SRL: variants seen among roughly 807,000 people sequenced by gnomAD.
The protein encoded by SRL is sarcalumenin.
Under a neutral mutation model 39.5 loss-of-function variants are expected in SRL, and 23 were observed. The ratio of observed to expected loss-of-function variants is 0.58; its 90% CI spans 0.42 to 0.82. SRL has a LOEUF of 0.82. Ranked by LOEUF, SRL falls within the 40% of genes least tolerant of loss-of-function variation. The probability of loss-of-function intolerance (pLI) is 0.00; values close to 1 mark genes in which losing one functional copy is unlikely to be tolerated. For missense variants in SRL, 592 were observed against 607.8 expected, an observed-to-expected ratio of 0.97 and a Z score of 0.27; for synonymous variants, 272 against 237.4, an observed-to-expected ratio of 1.15 and a Z score of -1.34.
At chr16:4,194,067 G>A (rs1013574273) in intron 5 of SRL, among the ~76,000 whole-genome samples, 3 of 152,026 alleles carry the variant, frequency 2.0e-5, no homozygotes, top group Admixed American at 6.6e-5. Flanking sequence ...GAGATCCACC[G>A]TCTGCTCACA....
intron 1 of SRL, among the ~76,000 whole-genome samples, chr16:4,220,473 G>A (rs995844997): frequency 5.3e-5 from 8 of 151,848 alleles, no homozygotes; most frequent in African/African-American, 1.9e-4. Context: ...CACATCTCAT[G>A]TCTTCCCTGG....
chr16:4,203,927 C>T (rs552108952), intron 2 of SRL, among the ~76,000 whole-genome samples: 1 of 152,222 alleles, frequency 6.6e-6, no homozygotes, highest in Non-Finnish European at 1.5e-5. Context: ...CCCAGACACT[C>T]CCCGGAGGGG....
intron 1 of SRL, among the ~76,000 whole-genome samples, chr16:4,239,283 G>A (rs1313572680): frequency 1.3e-5 from 2 of 152,204 alleles, no homozygotes; most frequent in African/African-American, 2.4e-5. Context: ...CTCACAGAGG[G>A]GCAGCCCCAG....
At chr16:4,193,100 T>TA in intron 5 of SRL, 136 bp from the exon 6 acceptor site, 1 of 725,538 alleles carries the variant, frequency 1.4e-6, no homozygotes, top group Non-Finnish European at 2.2e-6. Context: ...TACAGACTAT[T>TA]AAAAAATCAA....
chr16:4,242,044 G>C lies in SRL; in HGVS notation c.24C>G (p.Gly8=). 2.5e-6 allele frequency: 4 copies of C among 1,613,040 alleles called. No individual in the cohort carries two copies. Among genetic ancestry groups the C allele is most frequent in the Non-Finnish European group, 3.4e-6 (4 of 1,179,834 alleles). The change falls in exon 1 of 6, where the codon GGC becomes GGG. Residue 8 remains glycine (G), a synonymous_variant. Transcript: ENST00000399609. The part of the protein sequence containing the change: MRALVLL[G]CLLASLLFSG... ...AGAACAGGAGCGAGGCCAGGAGGCA[G>C]CCGAGCAGGACCAGCGCCCTCATGG...
At chr16:4,200,810 G>A (rs2052217635) in intron 3 of SRL, among the ~76,000 whole-genome samples, 1 of 152,148 alleles carries the variant, frequency 6.6e-6, no homozygotes, top group South Asian at 2.1e-4. Flanking sequence ...GCACGTCTCT[G>A]GGCCTCAGGC....
At chr16:4,205,250 G>A (rs1202960773) in intron 1 of SRL, among the ~76,000 whole-genome samples, 1 of 152,040 alleles carries the variant, frequency 6.6e-6, no homozygotes, top group Admixed American at 6.6e-5. Context: ...GGAGGTCAAG[G>A]CTGCAGTGAG....
chr16:4,195,609 C>A lies in SRL; in HGVS notation c.554G>T (p.Arg185Met). The A allele has an allele frequency of 6.2e-7, 1 of 1,614,230 alleles. No homozygotes were observed. The highest frequency in any genetic ancestry group is 2.2e-5 in the East Asian group (1 of 44,884). Reference protein sequence around the residue: ...GIEVPHKLLERVTFVDTPGII... With the variant: ...GIEVPHKLLEMVTFVDTPGII... ...GCCTGGTGTATCCACAAAAGTGACC[C>A]TCTCCAGAAGTTTGTGGGGAACCTC... Residue 185 changes from arginine to methionine, a missense_variant, in exon 5 of 6, where the codon AGG becomes ATG. Transcript: ENST00000399609.
chr16:4,197,991 G>T, intron 3 of SRL, 76 bp from the exon 4 acceptor site: 1 of 950,342 alleles, frequency 1.1e-6, no homozygotes, highest in Non-Finnish European at 1.7e-6. Flanking sequence ...GTACTCCAAA[G>T]CATCTCACCG....
chr16:4,198,933 C>T (rs184434627), intron 3 of SRL, among the ~76,000 whole-genome samples: 75 of 152,294 alleles, frequency 4.9e-4, no homozygotes, highest in African/African-American at 1.5e-3. Context: ...AGAATGCTCT[C>T]GTGCTTTCAA....
chr16:4,232,351 C>T (rs2052668336), intron 1 of SRL, among the ~76,000 whole-genome samples: 2 of 152,190 alleles, frequency 1.3e-5, no homozygotes, highest in African/African-American at 4.8e-5. Flanking sequence ...TCATCTACTA[C>T]TTGACACTAA....
At chr16:4,200,041 T>C (rs2052206230) in intron 3 of SRL, among the ~76,000 whole-genome samples, 1 of 152,202 alleles carries the variant, frequency 6.6e-6, no homozygotes, top group Non-Finnish European at 1.5e-5. Context: ...CTCTTCTGTA[T>C]CTTGCCTTCG....
rs908086495 is a variant in SRL, at chr16:4,241,925, T to C, written c.61+82A>G. On this transcript the variant is annotated intron_variant, in intron 1 of 5. Coordinates refer to ENST00000399609, the MANE Select transcript of SRL (RefSeq NM_001098814.2). The stretch of plus-strand genomic sequence containing the variant: ...GGGTTTGCCATCAGCCCCGACCCCC[T>C]ACCCAACCCATGGTAGACAGAAAAC... 2.0e-6 allele frequency: 3 copies of C among 1,525,796 alleles called. No homozygotes were observed. In the African/African-American group the frequency reaches 4.1e-5, roughly 21 times the overall value. 94.5% of individuals were successfully genotyped at this position (1,525,796 alleles called of 1,614,324 possible).
intron 1 of SRL, chr16:4,207,185 G>A (rs995432447): frequency 6.6e-6 from 3 of 456,964 alleles, no homozygotes; most frequent in South Asian, 1.5e-5. Context: ...ACTCCTCTTC[G>A]GAGGGAACTC....
rs950053517 is a variant in SRL, at chr16:4,212,060, G to A, written c.62-7426C>T. Among the ~76,000 whole-genome samples the A allele has an allele frequency of 1.4e-4, 21 of 152,160 alleles. 1 individual carries two copies. The highest frequency in any genetic ancestry group is 8.5e-4 in the Admixed American group (13 of 15,272). On this transcript the variant is annotated intron_variant, in intron 1 of 5. Transcript: ENST00000399609. ...AAGTTCCAAATGTTGGAGGTTCACCGTGACCATGACCTTCACACTGCTGTG... is the reference window on the plus strand; with the variant it reads ...AAGTTCCAAATGTTGGAGGTTCACCATGACCATGACCTTCACACTGCTGTG...
At chr16:4,238,851 C>T (rs2052741660) in intron 1 of SRL, among the ~76,000 whole-genome samples, 1 of 151,716 alleles carries the variant, frequency 6.6e-6, no homozygotes, top group Admixed American at 6.6e-5. Context: ...AAATTCTTAG[C>T]TTCAAGCGAT....
chr16:4,192,256 G>A lies in SRL; in HGVS notation c.1319C>T (p.Pro440Leu), dbSNP rs1393704813. 5.0e-6 allele frequency: 8 copies of A among 1,613,752 alleles called. No homozygotes were observed. Among genetic ancestry groups the A allele is most frequent in the Non-Finnish European group, 5.9e-6 (7 of 1,179,894 alleles). The change falls in exon 6 of 6, where the codon CCG (proline) becomes CTG (leucine). Residue 440 changes from proline to leucine, a missense_variant. Transcript: ENST00000399609. The surrounding 1 kb of genome is among the most constrained non-coding windows in gnomAD (Gnocchi z 4.0). ...GAGCCCGAGGCTACCCAGGAGGCCC[G>A]GAAGCTCCTGAGTGATGGCCCGCTC... ...KIERAITQEL[P>L]GLLGSLGLGK...
intron 1 of SRL, among the ~76,000 whole-genome samples, chr16:4,205,751 C>T (rs1412752151): frequency 5.9e-5 from 9 of 152,084 alleles, no homozygotes. Flanking sequence ...TGGGTTTCAT[C>T]CCAAGAGCAA....
At chr16:4,215,052 G>A (rs535841215) in intron 1 of SRL, among the ~76,000 whole-genome samples, 1 of 152,234 alleles carries the variant, frequency 6.6e-6, no homozygotes, top group Non-Finnish European at 1.5e-5. Context: ...ACAGGCATGA[G>A]CCACTGCACC....
Sources: allele counts gnomAD v4.1 joint callset (sites outside exome capture counted in the v4.1 genomes callset), GRCh38; gene constraint gnomAD v4.1.1; non-coding constraint Gnocchi (gnomAD v3.1); transcripts MANE v1.5; gene names NCBI Gene and HGNC (gene_info 2026-07-23, HGNC 2026-07-21).